The following DLG1 variants were observed in gnomAD, a reference collection of about 807,000 sequenced individuals.
The protein encoded by DLG1 is disks large homolog 1.
A neutral mutation model predicts 123.4 loss-of-function variants in DLG1; 42 were observed. The observed-to-expected ratio is 0.34, with a 90% CI of 0.27 to 0.44. The LOEUF (loss-of-function observed/expected upper bound fraction) is 0.44. Ranked by LOEUF, DLG1 falls within the 20% of genes least tolerant of loss-of-function variation. DLG1 has a pLI of 1.00. For synonymous variants in DLG1, 317 were observed against 356.2 expected (o/e 0.89, Z 1.24); for missense variants, 942 against 1,082.6 (o/e 0.87, Z 1.82).
intron 22 of DLG1, 49 bp from the exon 23 acceptor site, chr3:197,060,047 A>C: frequency 7.5e-6 from 10 of 1,330,796 alleles, no homozygotes; most frequent in African/African-American, 2.9e-5. Flanking sequence ...AAATATTCTC[A>C]ATAATATCAA....
intron 4 of DLG1, among the ~76,000 whole-genome samples, chr3:197,238,573 T>C (rs1435655140): frequency 6.6e-6 from 1 of 152,150 alleles, no homozygotes; most frequent in African/African-American, 2.4e-5. Flanking sequence ...GCCTAAGGGA[T>C]CTGTGAGACA....
At chr3:197,143,204 A>T (rs543470341) in intron 6 of DLG1, among the ~76,000 whole-genome samples, 2 of 152,264 alleles carry the variant, frequency 1.3e-5, no homozygotes, top group South Asian at 4.1e-4. Flanking sequence ...CTAATCGCTT[A>T]GATTAGTATT....
chr3:197,117,971 ATTTT>A (rs558203501), intron 12 of DLG1, among the ~76,000 whole-genome samples: 110 of 148,748 alleles, frequency 7.4e-4, no homozygotes, highest in African/African-American at 2.7e-3. Flanking sequence ...GTATGTTGTG[ATTTT>A]TTTTTTTACT....
chr3:197,092,078 CAT>C (rs1578987756), intron 14 of DLG1, among the ~76,000 whole-genome samples: 1 of 152,076 alleles, frequency 6.6e-6, no homozygotes. Flanking sequence ...AAAATAAAAA[CAT>C]AAATAGCCTT....
intron 3 of DLG1, among the ~76,000 whole-genome samples, chr3:197,283,997 A>G (rs1232085648): frequency 6.6e-6 from 1 of 150,972 alleles, no homozygotes; most frequent in East Asian, 2.0e-4. Context: ...AGTAGCTGGG[A>G]CTTCAGGCAC....
intron 23 of DLG1, 127 bp downstream of exon 23, chr3:197,059,762 G>A (rs1734486395): frequency 1.8e-6 from 1 of 541,884 alleles, no homozygotes; most frequent in East Asian, 3.2e-5. Context: ...CACATAATCT[G>A]AGGTGAATAA....
intron 6 of DLG1, among the ~76,000 whole-genome samples, chr3:197,148,357 G>A (rs1792132341): frequency 6.8e-6 from 1 of 147,110 alleles, no homozygotes; most frequent in African/African-American, 2.5e-5. Flanking sequence ...GTTGCAGTGA[G>A]CTGAGATTGT....
At chr3:197,159,303 G>T (rs535671851) in intron 5 of DLG1, among the ~76,000 whole-genome samples, 2 of 152,288 alleles carry the variant, frequency 1.3e-5, no homozygotes, top group Admixed American at 1.3e-4. Context: ...ACTCTGAAAA[G>T]TATAAAAGTG....
intron 24 of DLG1, among the ~76,000 whole-genome samples, chr3:197,045,769 T>C (rs931421405): frequency 6.6e-6 from 1 of 152,038 alleles, no homozygotes; most frequent in Admixed American, 6.6e-5. Flanking sequence ...AGTTTACATA[T>C]AAATGAAATA....
chr3:197,172,858 T>C (rs924544046), intron 5 of DLG1, among the ~76,000 whole-genome samples: 1 of 152,202 alleles, frequency 6.6e-6, no homozygotes, highest in Non-Finnish European at 1.5e-5. Flanking sequence ...AAAATAAACA[T>C]GTCTTGGTCA....
intron 4 of DLG1, among the ~76,000 whole-genome samples, chr3:197,235,181 T>C (rs2150671147): frequency 6.6e-6 from 1 of 152,286 alleles, no homozygotes; most frequent in East Asian, 1.9e-4. Context: ...GAGGCCATTT[T>C]TTGGAACTTG....
intron 11 of DLG1, among the ~76,000 whole-genome samples, chr3:197,125,419 G>A (rs777925070): frequency 6.6e-6 from 1 of 152,120 alleles, no homozygotes; most frequent in Non-Finnish European, 1.5e-5. Flanking sequence ...GAAGAAGAAG[G>A]GGGCAAAGGA....
At chr3:197,200,493 C>G (rs184896018) in intron 4 of DLG1, among the ~76,000 whole-genome samples, 7 of 152,230 alleles carry the variant, frequency 4.6e-5, no homozygotes, top group Admixed American at 4.6e-4. Context: ...CAGTATTACC[C>G]TGTTATCAAA....
rs147348772 is a variant in DLG1, at chr3:197,241,633, C to T, written c.318+41046G>A. On this transcript the variant is annotated intron_variant, in intron 4 of 24. Coordinates refer to ENST00000667157, the MANE Select transcript of DLG1 (RefSeq NM_001366207.1). ...ACAGTTACAACAACCTGTTAAGTGG[C>T]AGATAATATAAAAATAGATAAACTG... Among the ~76,000 whole-genome samples, 1,181 of 152,072 alleles carry T rather than the reference C, an allele frequency of 7.8e-3. 18 individuals carry two copies. The highest frequency in any genetic ancestry group is 0.041 in the Middle Eastern group (12 of 292).
rs1162588138 is a variant in DLG1, at chr3:197,066,731, A to G, written c.2071T>C (p.Ser691Pro). 9.3e-6 allele frequency: 15 copies of G among 1,605,292 alleles called. 1 individual carries two copies. Among genetic ancestry groups the G allele is most frequent in the South Asian group, 7.8e-5 (7 of 90,210 alleles). The change falls in exon 20 of 25, where the codon TCT becomes CCT. Residue 691 changes from serine (S) to proline (P), a missense_variant. Transcript: ENST00000667157. Reference sequence around the variant, plus strand: ...TCTTGTTGATTCACTGGTTCATAAGATAAGACGTATTCTTCTTGACCACCT... The same window carrying G: ...TCTTGTTGATTCACTGGTTCATAAGGTAAGACGTATTCTTCTTGACCACCT... ...SYRGQEEYVLSYEPVNQQEVN... is the reference protein window; with the variant it reads ...SYRGQEEYVLPYEPVNQQEVN...
chr3:197,245,605 T>G (rs563519793), intron 4 of DLG1, among the ~76,000 whole-genome samples: 1 of 152,182 alleles, frequency 6.6e-6, no homozygotes, highest in Non-Finnish European at 1.5e-5. Flanking sequence ...GGTTTCTTGA[T>G]GTAGCTGAGA....
intron 10 of DLG1, among the ~76,000 whole-genome samples, chr3:197,136,131 TAAG>T (rs1393186309): frequency 6.6e-6 from 1 of 152,204 alleles, no homozygotes; most frequent in Non-Finnish European, 1.5e-5. Flanking sequence ...AAACAATTTT[TAAG>T]AAGCAAAGGA....
rs142834942 is a variant in DLG1 at position 197,187,269 on chromosome 3, GT to G, written c.483+7155del. Among the ~76,000 whole-genome samples the G allele has an allele frequency of 2.2e-3, 339 of 152,252 alleles. 1 individual carries two copies. Among genetic ancestry groups the G allele is most frequent in the African/African-American group, 7.7e-3 (319 of 41,550 alleles). The stretch of plus-strand genomic sequence containing the variant: ...TATGTTCCAGAGATGTAAAGATAAA[GT>G]TGATTTCAAAAACTGCTCATTATAT... On this transcript the variant is annotated intron_variant, in intron 5 of 24. Transcript: ENST00000667157.
intron 3 of DLG1, among the ~76,000 whole-genome samples, chr3:197,288,735 A>ACATAC (rs1431614604): frequency 2.6e-5 from 2 of 76,696 alleles, no homozygotes; most frequent in African/African-American, 1.4e-4. Context: ...AAAAAAAAAA[A>ACATAC]AAAAAAAAAT....
Sources: gnomAD v4.1 joint callset for allele counts (sites outside exome capture counted in the v4.1 genomes callset) on GRCh38, gnomAD v4.1.1 for gene constraint, MANE v1.5 for transcripts, NCBI Gene and HGNC (gene_info 2026-07-23, HGNC 2026-07-21) for gene names.